The following PKHD1 variants were observed in gnomAD, a reference collection of about 807,000 sequenced individuals.
PKHD1 encodes PKHD1 ciliary IPT domain containing fibrocystin/polyductin, also known as fibrocystin.
PKHD1 carries 291 observed loss-of-function variants against 412.0 expected under a neutral mutation model. The ratio of observed to expected loss-of-function variants is 0.71; its 90% confidence interval spans 0.64 to 0.78. The LOEUF (loss-of-function observed/expected upper bound fraction) is 0.78, where lower values mean the gene tolerates loss of function less well. Ranked by LOEUF, PKHD1 falls within the 30% of genes least tolerant of loss-of-function variation. The pLI is 0.00. For missense variants in PKHD1, 4,825 were observed against 4,950.7 expected (o/e 0.97, Z 0.76); for synonymous variants, 1,777 against 1,821.5 (o/e 0.98, Z 0.62).
chr6:51,807,479 A>C (rs371226697), intron 52 of PKHD1, among the ~76,000 whole-genome samples: 1 of 103,488 alleles, frequency 9.7e-6, no homozygotes, highest in Non-Finnish European at 1.8e-5. Context: ...ATATATATAT[A>C]TGTATATGTG....
At chr6:51,847,570 G>C (rs369409323) in intron 50 of PKHD1, among the ~76,000 whole-genome samples, 14 of 152,282 alleles carry the variant, frequency 9.2e-5, no homozygotes, top group African/African-American at 3.1e-4. Context: ...GAGCCTTAGA[G>C]AGGCTCTGTG....
intron 64 of PKHD1, among the ~76,000 whole-genome samples, chr6:51,633,691 C>A (rs1768199420): frequency 6.6e-6 from 1 of 152,046 alleles, no homozygotes; most frequent in Admixed American, 6.6e-5. Context: ...GTAGAAAAGA[C>A]AAAACTATAG....
chr6:52,061,736 G>A (rs1203539016), intron 14 of PKHD1, among the ~76,000 whole-genome samples: 3 of 151,866 alleles, frequency 2.0e-5, no homozygotes, highest in African/African-American at 7.2e-5. Flanking sequence ...GGAGGTCACA[G>A]ACTGACTGAA....
intron 60 of PKHD1, among the ~76,000 whole-genome samples, chr6:51,740,841 AC>A (rs1298714144): frequency 6.6e-6 from 1 of 152,232 alleles, no homozygotes; most frequent in Non-Finnish European, 1.5e-5. Flanking sequence ...GCAAGAGGAC[AC>A]AGATTGTATT....
chr6:51,944,755 C>T lies in PKHD1; in HGVS notation c.5909-10433G>A, dbSNP rs376323096. Among the ~76,000 whole-genome samples, 34 of 152,282 alleles carry T rather than the reference C, an allele frequency of 2.2e-4. No individual in the cohort carries two copies. The East Asian group carries it at 3.5e-3, about 16-fold the overall frequency. ...CAGTTAAATGCTTTCTTTACTGCAA[C>T]GCCATGGTCTTGACGAATTGATTTT... On this transcript the variant is annotated intron_variant, in intron 36 of 66. Transcript: ENST00000371117.
intron 51 of PKHD1, among the ~76,000 whole-genome samples, chr6:51,832,406 TAAG>T (rs1032663799): frequency 1.3e-5 from 2 of 151,970 alleles, no homozygotes; most frequent in African/African-American, 4.8e-5. Context: ...GGAGGAATGA[TAAG>T]AAATTTGGTG....
intron 40 of PKHD1, 74 bp from the exon 41 acceptor site, chr6:51,906,414 C>T: frequency 1.1e-5 from 12 of 1,124,180 alleles, no homozygotes; most frequent in Non-Finnish European, 1.5e-5. Flanking sequence ...GAGCAACCTA[C>T]ACTGTAGCTA....
chr6:51,801,515 A>ATT (rs11394766), intron 52 of PKHD1, among the ~76,000 whole-genome samples: 17 of 151,280 alleles, frequency 1.1e-4, no homozygotes, highest in East Asian at 3.9e-4. Context: ...TCTGCCCATC[A>ATT]TTTTTTTTCA....
In PKHD1 at chr6:52,053,164, C is replaced by A; in HGVS notation, c.2052G>T (p.Leu684=). The change falls in exon 21 of 67, where the codon CTG becomes CTT. Residue 684 remains leucine (L), a synonymous_variant. Transcript: ENST00000371117. ...GAGGGAGAAGGTTGATCTGATGAAC[C>A]AGCACTGGGGAGTTTGCCGGAGGGG... is the stretch of plus-strand genomic sequence containing the variant. ...LQPPPANSPV[L]VHQINLLPLA... is the part of the protein sequence containing the mutation. The A allele has an allele frequency of 6.2e-7, 1 of 1,614,178 alleles. No homozygotes were observed.
At chr6:51,761,384 A>G (rs1401970528) in intron 55 of PKHD1, among the ~76,000 whole-genome samples, 1 of 152,108 alleles carries the variant, frequency 6.6e-6, no homozygotes, top group African/African-American at 2.4e-5. Context: ...AGTGGAATTC[A>G]CTGGACTAGA....
At chr6:52,053,980 AAC>A in intron 20 of PKHD1, 56 bp downstream of exon 20, 2 of 1,595,580 alleles carry the variant, frequency 1.3e-6, no homozygotes, top group South Asian at 2.2e-5. Context: ...CTGTCCCCAA[AAC>A]AGTGAATCCT....
intron 53 of PKHD1, among the ~76,000 whole-genome samples, chr6:51,779,296 C>G (rs1264128844): frequency 6.6e-6 from 1 of 152,214 alleles, no homozygotes; most frequent in Admixed American, 6.5e-5. Context: ...GCCTCTGCCC[C>G]CCTCTGCCTT....
intron 52 of PKHD1, among the ~76,000 whole-genome samples, chr6:51,798,908 A>G (rs1323485309): frequency 2.0e-5 from 3 of 152,326 alleles, no homozygotes; most frequent in Non-Finnish European, 2.9e-5. Context: ...AAAGTATGAT[A>G]GTAGGTGCTT....
intron 60 of PKHD1, among the ~76,000 whole-genome samples, chr6:51,692,797 C>T (rs1342833553): frequency 6.6e-6 from 1 of 152,036 alleles, no homozygotes; most frequent in Non-Finnish European, 1.5e-5. Context: ...TAATTTTTCT[C>T]ATGTTTTTGA....
chr6:51,748,766 A>T, intron 57 of PKHD1, 101 bp from the exon 58 acceptor site: 1 of 938,514 alleles, frequency 1.1e-6, no homozygotes, highest in South Asian at 1.3e-5. Context: ...TTTAATGAAA[A>T]TGTAAGTTTA....
intron 36 of PKHD1, among the ~76,000 whole-genome samples, chr6:51,944,243 T>A (rs1464869834): frequency 6.7e-6 from 1 of 149,282 alleles, no homozygotes; most frequent in Non-Finnish European, 1.5e-5. Flanking sequence ...TGACCCCCAC[T>A]CCTACACGCC....
chr6:51,662,574 A>G (rs1402768395), intron 60 of PKHD1, among the ~76,000 whole-genome samples: 1 of 151,970 alleles, frequency 6.6e-6, no homozygotes, highest in Non-Finnish European at 1.5e-5. Flanking sequence ...GAAAGGAAAT[A>G]ATCAATATGA....
rs1316182447 is a variant in PKHD1 at position 51,638,910 on chromosome 6, G to T, written c.11445C>A (p.Asn3815Lys). ...TTGACCCAGAGATCAAGACTGCCAAGTTGTAGAAGCTAACATAACCATCTT... is the reference window on the plus strand; with the variant it reads ...TTGACCCAGAGATCAAGACTGCCAATTTGTAGAAGCTAACATAACCATCTT... ...ETQDGYVSFY[N>K]LAVLISGSNW... The change falls in exon 64 of 67, where the codon AAC (asparagine) becomes AAA (lysine). Residue 3815 changes from asparagine to lysine, a missense_variant. Physicochemically the swap from Asn to Lys is moderately conservative, Grantham distance 94 (BLOSUM62 0). Transcript: ENST00000371117. 1 of 1,613,730 alleles carries T rather than the reference G, an allele frequency of 6.2e-7. No individual in the cohort carries two copies. The highest frequency in any genetic ancestry group is 8.5e-7 in the Non-Finnish European group (1 of 1,179,798).
chr6:51,982,619 G>T (rs925335622), intron 35 of PKHD1, among the ~76,000 whole-genome samples: 3 of 147,984 alleles, frequency 2.0e-5, no homozygotes, highest in Admixed American at 6.7e-5. Flanking sequence ...CAGCATGCTC[G>T]TCAAGAGTCA....
Sources: gnomAD v4.1 joint callset for allele counts (sites outside exome capture counted in the v4.1 genomes callset) on GRCh38, gnomAD v4.1.1 for gene constraint, MANE v1.5 for transcripts, NCBI Gene and HGNC (gene_info 2026-07-23, HGNC 2026-07-21) for gene names.